The following IQCM variants were observed in gnomAD, a reference collection of about 807,000 sequenced individuals.
IQCM encodes IQ motif containing M.
Under a neutral mutation model 57.6 loss-of-function variants are expected in IQCM, and 45 were observed. The ratio of observed to expected loss-of-function variants is 0.78; its 90% CI spans 0.62 to 1.00. The LOEUF (loss-of-function observed/expected upper bound fraction) is 1.00. Ranked by LOEUF, IQCM falls within the 50% of genes least tolerant of loss-of-function variation. The pLI, the probability that IQCM is intolerant of heterozygous loss-of-function variation, is 0.00. For missense variants in IQCM, 468 were observed against 511.6 expected (o/e 0.91, Z 0.82); for synonymous variants, 148 against 158.9 (o/e 0.93, Z 0.51).
intron 13 of IQCM, among the ~76,000 whole-genome samples, chr4:149,391,033 A>G (rs1578896894): frequency 1.3e-5 from 2 of 151,974 alleles, no homozygotes; most frequent in African/African-American, 4.8e-5. Context: ...GAGGATAGAC[A>G]GAGATAAATT....
At chr4:149,710,713 C>T (rs2149830960) in intron 5 of IQCM, among the ~76,000 whole-genome samples, 1 of 152,206 alleles carries the variant, frequency 6.6e-6, no homozygotes, top group South Asian at 2.1e-4. Flanking sequence ...TTTTTACTAG[C>T]AAAACTATAT....
chr4:149,568,589 C>T (rs1244616840), intron 9 of IQCM, among the ~76,000 whole-genome samples: 1 of 152,054 alleles, frequency 6.6e-6, no homozygotes, highest in Non-Finnish European at 1.5e-5. Flanking sequence ...GAGTTCAAGA[C>T]CAGCCTGAGC....
intron 2 of IQCM, among the ~76,000 whole-genome samples, chr4:149,786,094 G>C (rs1772055702): frequency 6.6e-6 from 1 of 152,058 alleles, no homozygotes; most frequent in East Asian, 1.9e-4. Context: ...CTTCCATCTG[G>C]AACAACTAAA....
chr4:149,766,346 G>A (rs1464018011), intron 2 of IQCM, among the ~76,000 whole-genome samples: 1 of 152,120 alleles, frequency 6.6e-6, no homozygotes, highest in East Asian at 1.9e-4. Context: ...CTGCAATCAA[G>A]CTAAACCAGT....
At chr4:149,631,760 G>A (rs780473435) in intron 7 of IQCM, among the ~76,000 whole-genome samples, 1 of 152,028 alleles carries the variant, frequency 6.6e-6, no homozygotes, top group Non-Finnish European at 1.5e-5. Flanking sequence ...CTCACATACT[G>A]CCACCTCTTA....
At chr4:149,613,875 C>T (rs553345859) in intron 8 of IQCM, among the ~76,000 whole-genome samples, 4 of 152,156 alleles carry the variant, frequency 2.6e-5, no homozygotes, top group South Asian at 4.1e-4. Flanking sequence ...CAGCTTCATC[C>T]ATGTCCCTAC....
chr4:149,652,264 C>T (rs894168008), intron 7 of IQCM, among the ~76,000 whole-genome samples: 3 of 151,802 alleles, frequency 2.0e-5, no homozygotes, highest in East Asian at 3.9e-4. Context: ...CATGGACACA[C>T]GGAGGGAAAC....
At chr4:149,479,681 A>G (rs552161828) in intron 12 of IQCM, among the ~76,000 whole-genome samples, 141 of 152,282 alleles carry the variant, frequency 9.3e-4, no homozygotes, top group Non-Finnish European at 1.7e-3. Context: ...GAAACTGAGT[A>G]TGGTAGACAT....
chr4:149,799,198 G>A (rs1773384399), intron 2 of IQCM, among the ~76,000 whole-genome samples: 2 of 151,456 alleles, frequency 1.3e-5, no homozygotes, highest in Non-Finnish European at 3.0e-5. Flanking sequence ...AGGAATTTTG[G>A]AAACTATACA....
intron 13 of IQCM, among the ~76,000 whole-genome samples, chr4:149,391,322 A>G (rs1731838303): frequency 6.6e-6 from 1 of 151,904 alleles, no homozygotes; most frequent in Non-Finnish European, 1.5e-5. Context: ...TCTTGCATCT[A>G]TAAGGTCAAT....
At chr4:149,410,184 A>G (rs1733276162) in intron 13 of IQCM, among the ~76,000 whole-genome samples, 1 of 150,250 alleles carries the variant, frequency 6.7e-6, no homozygotes, top group South Asian at 2.1e-4. Flanking sequence ...CTCCATTTAA[A>G]ACAAACAAAC....
At chr4:149,491,367 A>C (rs1742074287) in intron 12 of IQCM, among the ~76,000 whole-genome samples, 1 of 152,078 alleles carries the variant, frequency 6.6e-6, no homozygotes, top group Non-Finnish European at 1.5e-5. Context: ...TTGTGCAATA[A>C]AACTTTTGAA....
chr4:149,557,290 G>A (rs748529062), intron 10 of IQCM, among the ~76,000 whole-genome samples: 9 of 152,096 alleles, frequency 5.9e-5, no homozygotes, highest in Admixed American at 3.3e-4. Flanking sequence ...GAATGGCCTC[G>A]TTTTATAGTG....
chr4:149,381,893 GCTTCC>G (rs757238899), intron 13 of IQCM, among the ~76,000 whole-genome samples: 10 of 152,030 alleles, frequency 6.6e-5, no homozygotes, highest in Non-Finnish European at 1.5e-4. Context: ...TCCTACCTCA[GCTTCC>G]CGAGTAGCTG....
chr4:149,361,352 T>A (rs541098949), intron 13 of IQCM, among the ~76,000 whole-genome samples: 2 of 152,260 alleles, frequency 1.3e-5, no homozygotes, highest in South Asian at 4.1e-4. Context: ...GAAATTTGCA[T>A]GAGTAGCAAG....
intron 2 of IQCM, among the ~76,000 whole-genome samples, chr4:149,771,272 G>C (rs925175330): frequency 6.6e-6 from 1 of 151,896 alleles, no homozygotes; most frequent in African/African-American, 2.4e-5. Context: ...CTAAATTTTT[G>C]TCTTCGAATT....
At chr4:149,765,150 G>A (rs2149973836) in intron 2 of IQCM, among the ~76,000 whole-genome samples, 1 of 152,054 alleles carries the variant, frequency 6.6e-6, no homozygotes, top group East Asian at 1.9e-4. Context: ...GACACATTTA[G>A]CTACACTAAT....
At chr4:149,524,556 T>C (rs1027927696) in intron 12 of IQCM, among the ~76,000 whole-genome samples, 59 of 152,002 alleles carry the variant, frequency 3.9e-4, no homozygotes, top group Middle Eastern at 3.4e-3. Context: ...CTAGAACAAA[T>C]TTGTAGCATT....
chr4:149,721,226 A>G (rs1257529260), intron 5 of IQCM, among the ~76,000 whole-genome samples: 1 of 152,200 alleles, frequency 6.6e-6, no homozygotes. Flanking sequence ...AATATGATTT[A>G]AAGAATACAA....
Sources: allele counts gnomAD v4.1 joint callset (sites outside exome capture counted in the v4.1 genomes callset), GRCh38; gene constraint gnomAD v4.1.1; transcripts MANE v1.5; gene names NCBI Gene and HGNC (gene_info 2026-07-23, HGNC 2026-07-21).